OLA1: variants seen among roughly 807,000 people sequenced by gnomAD.
The protein encoded by OLA1 is Obg like ATPase 1, also known as obg-like ATPase 1.
Under a neutral mutation model 48.4 loss-of-function variants are expected in OLA1, and 14 were observed. That is an observed-to-expected ratio of 0.29 (90% confidence interval 0.19 to 0.45). OLA1 has a LOEUF of 0.45. Ranked by LOEUF, OLA1 falls within the 20% of genes least tolerant of loss-of-function variation. OLA1 has a pLI of 1.00. For synonymous variants in OLA1, 127 were observed against 150.4 expected (o/e 0.84, Z 1.14); for missense variants, 325 against 467.1 (o/e 0.70, Z 2.80).
At chr2:174,246,915 G>T in intron 1 of OLA1, 100 bp from the exon 2 acceptor site, 2 of 694,190 alleles carry the variant, frequency 2.9e-6, no homozygotes, top group Non-Finnish European at 4.9e-6. Context: ...TTAAGATTAA[G>T]AACAAAACAT....
chr2:174,132,305 T>G (rs1686201732), intron 5 of OLA1, among the ~76,000 whole-genome samples: 1 of 152,038 alleles, frequency 6.6e-6, no homozygotes, highest in African/African-American at 2.4e-5. Flanking sequence ...ACTTTTGGCC[T>G]TTTTGATCCT....
chr2:174,233,476 C>G (rs1185201361), intron 2 of OLA1, among the ~76,000 whole-genome samples: 1 of 152,158 alleles, frequency 6.6e-6, no homozygotes, highest in East Asian at 1.9e-4. Flanking sequence ...TGGGTTCAAG[C>G]GATTCTCATG....
At chr2:174,146,675 GC>G (rs1446004292) in intron 4 of OLA1, among the ~76,000 whole-genome samples, 15 of 152,142 alleles carry the variant, frequency 9.9e-5, no homozygotes, top group African/African-American at 3.6e-4. Flanking sequence ...CTAGGAGTAT[GC>G]TCTTATGAGA....
At chr2:174,092,322 T>C (rs1685147623) in intron 7 of OLA1, among the ~76,000 whole-genome samples, 1 of 151,972 alleles carries the variant, frequency 6.6e-6, no homozygotes, top group South Asian at 2.1e-4. Flanking sequence ...TCAGTGAATA[T>C]GAATAAATTG....
At chr2:174,114,359 A>G (rs1351415859) in intron 7 of OLA1, among the ~76,000 whole-genome samples, 1 of 121,070 alleles carries the variant, frequency 8.3e-6, no homozygotes, top group African/African-American at 2.8e-5. Context: ...AAAAAAAAAA[A>G]AAAAAAAAAA....
Position 174,112,927 on chromosome 2 carries a change from T to C in OLA1, c.728+10253A>G, listed in dbSNP as rs1000751859. Among the ~76,000 whole-genome samples, 7 of 152,136 alleles carry C rather than the reference T, an allele frequency of 4.6e-5. No individual in the cohort carries two copies. In the South Asian group the frequency reaches 1.5e-3, roughly 32 times the overall value. On this transcript the variant is annotated intron_variant, in intron 7 of 10. Transcript: ENST00000284719. ...CTATAACATCAACTCCCTCACCCCATCACTGAAGAATTATTATTATTACTA... is the reference window on the plus strand; with the variant it reads ...CTATAACATCAACTCCCTCACCCCACCACTGAAGAATTATTATTATTACTA...
intron 9 of OLA1, 157 bp from the exon 10 acceptor site, chr2:174,079,247 G>GACT (rs1373742030): frequency 1.9e-6 from 1 of 536,652 alleles, no homozygotes; most frequent in Non-Finnish European, 3.2e-6. Context: ...TCAACACTGG[G>GACT]TAGTATCTGT....
chr2:174,157,676 T>G (rs1486211414), intron 4 of OLA1, among the ~76,000 whole-genome samples: 3 of 152,182 alleles, frequency 2.0e-5, no homozygotes, highest in African/African-American at 7.2e-5. Context: ...TTATTCATAA[T>G]GTCAATGGAT....
intron 2 of OLA1, among the ~76,000 whole-genome samples, chr2:174,243,456 T>C (rs149085811): frequency 1.3e-5 from 2 of 152,308 alleles, no homozygotes; most frequent in African/African-American, 4.8e-5. Context: ...TCCTTATCAC[T>C]AAATCTACAT....
intron 2 of OLA1, among the ~76,000 whole-genome samples, chr2:174,241,885 C>T (rs928956579): frequency 2.0e-5 from 3 of 152,260 alleles, no homozygotes; most frequent in Non-Finnish European, 2.9e-5. Context: ...ATCCGCTTGC[C>T]TCAGCCTCCC....
At chr2:174,200,786 C>T (rs1450907302) in intron 4 of OLA1, among the ~76,000 whole-genome samples, 4 of 151,878 alleles carry the variant, frequency 2.6e-5, no homozygotes, top group African/African-American at 9.7e-5. Context: ...TCCACATCTC[C>T]AAGGAGTAAG....
chr2:174,077,050 T>C (rs971864516), intron 10 of OLA1, among the ~76,000 whole-genome samples: 5 of 152,102 alleles, frequency 3.3e-5, no homozygotes, highest in Non-Finnish European at 5.9e-5. Flanking sequence ...CTAGAGACCA[T>C]TTAATCCATT....
At chr2:174,133,559 C>T (rs190750437) in intron 5 of OLA1, among the ~76,000 whole-genome samples, 2 of 152,202 alleles carry the variant, frequency 1.3e-5, no homozygotes, top group Non-Finnish European at 2.9e-5. Flanking sequence ...CAGGGTTATG[C>T]CATGTTGTTT....
At chr2:174,156,547 T>C (rs1013575550) in intron 4 of OLA1, among the ~76,000 whole-genome samples, 5 of 151,782 alleles carry the variant, frequency 3.3e-5, no homozygotes, top group African/African-American at 1.2e-4. Flanking sequence ...TCTTGTGATC[T>C]TGCTCATGCT....
At chr2:174,194,746 A>G (rs1687847088) in intron 4 of OLA1, among the ~76,000 whole-genome samples, 1 of 152,210 alleles carries the variant, frequency 6.6e-6, no homozygotes, top group Non-Finnish European at 1.5e-5. Context: ...GAAGGAAAGA[A>G]GAGCCAATTT....
intron 3 of OLA1, among the ~76,000 whole-genome samples, chr2:174,227,148 T>A (rs566778630): frequency 1.3e-5 from 2 of 151,646 alleles, no homozygotes; most frequent in South Asian, 2.1e-4. Flanking sequence ...TTCATGCCTG[T>A]AATCCCACCA....
At chr2:174,108,072 T>C (rs1479642293) in intron 7 of OLA1, among the ~76,000 whole-genome samples, 2 of 152,110 alleles carry the variant, frequency 1.3e-5, no homozygotes, top group African/African-American at 4.8e-5. Context: ...AAATAGTGAC[T>C]GCAACAAATA....
At position 174,144,876 on chromosome 2, in the gene OLA1, G is replaced by A. The variant is rs140289938; in HGVS notation, c.374-2876C>T. ...GGTGGGAGACTGCTTGAACCCGGGA[G>A]GTTGAGGCTGCAGTGAGCTGTGATC... On this transcript the variant is annotated intron_variant, in intron 4 of 10. Transcript: ENST00000284719. Among the ~76,000 whole-genome samples, 1,091 of 144,166 alleles carry A rather than the reference G, an allele frequency of 7.6e-3. 18 individuals are homozygous for A. The highest frequency in any genetic ancestry group is 0.027 in the African/African-American group (1,027 of 38,450). The allele number at this position is 144,166 out of a possible 152,430, so 94.6% of individuals were successfully genotyped here.
chr2:174,218,290 A>T (rs1225882063), intron 4 of OLA1, among the ~76,000 whole-genome samples: 1 of 152,172 alleles, frequency 6.6e-6, no homozygotes, highest in Non-Finnish European at 1.5e-5. Context: ...ATAAATGAAG[A>T]CTGATTCTGT....
Sources: allele counts gnomAD v4.1 joint callset (sites outside exome capture counted in the v4.1 genomes callset), GRCh38; gene constraint gnomAD v4.1.1; transcripts MANE v1.5; gene names NCBI Gene and HGNC (gene_info 2026-07-23, HGNC 2026-07-21).